The following FBN1 variants were observed in gnomAD, a reference collection of about 807,000 sequenced individuals.
The protein encoded by FBN1 is fibrillin-1.
A neutral mutation model predicts 365.1 loss-of-function variants in FBN1; 29 were observed. The ratio of observed to expected loss-of-function variants is 0.08; its 90% confidence interval spans 0.06 to 0.11. The LOEUF is 0.11. FBN1 is among the 10% of genes least tolerant of loss of function. FBN1 has a pLI of 1.00. For synonymous variants in FBN1, 1,210 were observed against 1,270.5 expected (o/e 0.95, Z 1.01); for missense variants, 2,476 against 3,703.2 (o/e 0.67, Z 8.60).
At chr15:48,571,427 A>G (rs1347221602) in intron 6 of FBN1, among the ~76,000 whole-genome samples, 1 of 152,216 alleles carries the variant, frequency 6.6e-6, no homozygotes, top group East Asian at 1.9e-4. Context: ...AAGCACAAAG[A>G]CTTTCTAATC....
At chr15:48,598,182 C>T (rs77060717) in intron 5 of FBN1, among the ~76,000 whole-genome samples, 2,971 of 152,288 alleles carry the variant, frequency 0.02, 115 homozygotes, top group African/African-American at 0.069. Flanking sequence ...GCTATGGAGT[C>T]AGACTGCTTG....
chr15:48,487,526 C>T (rs1489806120), intron 27 of FBN1, 89 bp from the exon 28 acceptor site: 1 of 1,530,128 alleles, frequency 6.5e-7, no homozygotes, highest in Non-Finnish European at 9.0e-7. Flanking sequence ...GCTGGGTGTC[C>T]ATCTTGACCT....
At chr15:48,487,974 TCTCC>T in intron 27 of FBN1, 135 bp downstream of exon 27, 4 of 1,123,730 alleles carry the variant, frequency 3.6e-6, no homozygotes, top group East Asian at 2.4e-5. Flanking sequence ...TCTACCTCAG[TCTCC>T]CTCTGTTGCA....
intron 18 of FBN1, among the ~76,000 whole-genome samples, chr15:48,498,178 T>C (rs1035979754): frequency 1.1e-5 from 1 of 91,408 alleles, no homozygotes; most frequent in Admixed American, 1.0e-4. Context: ...AGGGTTGACT[T>C]TTTTTTTTTC....
At chr15:48,448,220 A>G (rs368485785) in intron 46 of FBN1, among the ~76,000 whole-genome samples, 7 of 152,284 alleles carry the variant, frequency 4.6e-5, no homozygotes, top group African/African-American at 1.7e-4. Flanking sequence ...TAAAGTAGAA[A>G]AATAAAGGAA....
At chr15:48,479,320 T>C (rs1011242956) in intron 32 of FBN1, among the ~76,000 whole-genome samples, 7 of 152,194 alleles carry the variant, frequency 4.6e-5, no homozygotes, top group Non-Finnish European at 2.9e-5. Flanking sequence ...TGTGATGCCC[T>C]TCCACAGGTC....
intron 56 of FBN1, among the ~76,000 whole-genome samples, chr15:48,429,882 G>A (rs941555024): frequency 1.9e-4 from 29 of 152,140 alleles, no homozygotes; most frequent in South Asian, 1.0e-3. Context: ...AAGAGAATGC[G>A]TGTGAGAAGG....
chr15:48,600,223 T>C lies in FBN1; in HGVS notation c.358A>G (p.Asn120Asp), dbSNP rs761978915. 2 of 1,613,536 alleles carry C rather than the reference T, an allele frequency of 1.2e-6. No individual in the cohort carries two copies. The highest frequency in any genetic ancestry group is 1.7e-6 in the Non-Finnish European group (2 of 1,179,506). Residue 120 changes from asparagine (N) to aspartate (D), a missense_variant, in exon 5 of 66, where the codon AAT (asparagine) becomes GAT (aspartate). Transcript: ENST00000316623. ...SCGSRSIQHCNIRCMNGGSCS... is the reference protein window; with the variant it reads ...SCGSRSIQHCDIRCMNGGSCS... Reference sequence around the variant, plus strand: ...CTACCTCCATTCATACAGCGAATATTGCAGTGTTGTACTTGAAAAAAAAGA... The same window carrying C: ...CTACCTCCATTCATACAGCGAATATCGCAGTGTTGTACTTGAAAAAAAAGA...
At chr15:48,511,154 T>C (rs2043755868) in intron 13 of FBN1, among the ~76,000 whole-genome samples, 1 of 152,172 alleles carries the variant, frequency 6.6e-6, no homozygotes, top group Non-Finnish European at 1.5e-5. Context: ...CGTGCGTTCA[T>C]GGCATGTCAG....
chr15:48,583,024 G>A (rs558585095), intron 6 of FBN1, among the ~76,000 whole-genome samples: 23 of 152,298 alleles, frequency 1.5e-4, no homozygotes, highest in African/African-American at 5.3e-4. Flanking sequence ...CCCAGCGTGG[G>A]AGTCACAGCA....
At chr15:48,518,634 T>G (rs780470665) in intron 10 of FBN1, among the ~76,000 whole-genome samples, 2 of 152,226 alleles carry the variant, frequency 1.3e-5, no homozygotes, top group Non-Finnish European at 2.9e-5. Context: ...TTTTACAGAT[T>G]TAGTAATCTT....
chr15:48,483,761 T>G, intron 31 of FBN1, 57 bp downstream of exon 31: 2 of 1,605,474 alleles, frequency 1.2e-6, no homozygotes, highest in Non-Finnish European at 1.7e-6. Flanking sequence ...CTTTATGTAA[T>G]TTAACAGTGC....
intron 40 of FBN1, 43 bp downstream of exon 40, chr15:48,465,525 C>A: frequency 1.9e-6 from 3 of 1,611,906 alleles, no homozygotes; most frequent in Non-Finnish European, 2.5e-6. Flanking sequence ...CAGGTCAGTT[C>A]TTGATATCTG....
intron 63 of FBN1, among the ~76,000 whole-genome samples, chr15:48,418,727 A>C (rs1014963263): frequency 6.6e-6 from 1 of 152,158 alleles, no homozygotes; most frequent in African/African-American, 2.4e-5. Flanking sequence ...GACAATTCGA[A>C]TTTTACCAAA....
At chr15:48,577,762 G>A (rs2044360027) in intron 6 of FBN1, among the ~76,000 whole-genome samples, 2 of 152,098 alleles carry the variant, frequency 1.3e-5, no homozygotes, top group Admixed American at 6.6e-5. Context: ...TGTTGGTGAC[G>A]TTCCATAATG....
In FBN1 at chr15:48,430,707, C is replaced by T. The variant is rs759674700; in HGVS notation, c.6835G>A (p.Gly2279Arg). 4.3e-6 allele frequency: 7 copies of T among 1,613,720 alleles called. No homozygotes were observed. Among genetic ancestry groups the T allele is most frequent in the Admixed American group, 3.3e-5 (2 of 59,988 alleles). The change falls in exon 56 of 66, where the codon GGG becomes AGG. Residue 2279 changes from glycine (G) to arginine (R), a missense_variant. By Grantham distance (125) the Gly-to-Arg change is moderately radical. This residue lies in a region of FBN1 where 1,780 missense variants were observed against 2,840.8 expected (regional missense o/e 0.63). Transcript: ENST00000316623. ...IGTYMCICGPGYQRRPDGEGC... is the reference protein window; with the variant it reads ...IGTYMCICGPRYQRRPDGEGC... ...TCTCCATCAGGTCTCCGCTGATACC[C>T]GGGTCCACAGATGCACATATATGTG...
intron 6 of FBN1, among the ~76,000 whole-genome samples, chr15:48,591,599 G>C (rs530514376): frequency 1.4e-4 from 22 of 152,322 alleles, no homozygotes; most frequent in African/African-American, 5.3e-4. Context: ...CCCTACATTT[G>C]AAACATCCAA....
At chr15:48,636,598 C>G (rs16961283) in intron 2 of FBN1, among the ~76,000 whole-genome samples, 19,909 of 152,082 alleles carry the variant, frequency 0.13, 4,013 homozygotes, top group African/African-American at 0.44. Flanking sequence ...GCATGAGAGA[C>G]AGCTTTAAAA....
chr15:48,521,923 G>T (rs568099528), intron 9 of FBN1, among the ~76,000 whole-genome samples: 1 of 152,326 alleles, frequency 6.6e-6, no homozygotes, highest in Non-Finnish European at 1.5e-5. Context: ...GAACTGGGCT[G>T]TACAGCAGGG....
Sources: gnomAD v4.1 joint callset for allele counts (sites outside exome capture counted in the v4.1 genomes callset) on GRCh38, gnomAD v4.1.1 for gene constraint, gnomAD v4.1.1 regional missense constraint, MANE v1.5 for transcripts, NCBI Gene and HGNC (gene_info 2026-07-23, HGNC 2026-07-21) for gene names.